PRR14: variants seen among roughly 807,000 people sequenced by gnomAD.
PRR14 encodes proline-rich protein 14.
PRR14 carries 33 observed loss-of-function variants against 57.2 expected under a neutral mutation model. The ratio of observed to expected loss-of-function variants is 0.58; its 90% CI spans 0.44 to 0.77. PRR14 has a LOEUF of 0.77. Among genes scored for constraint, PRR14 ranks in the 30% least tolerant of loss-of-function variants. The probability of loss-of-function intolerance (pLI) is 0.00; values close to 1 mark genes in which losing one functional copy is unlikely to be tolerated. For missense variants in PRR14, 716 were observed against 788.1 expected, an observed-to-expected ratio of 0.91 and a Z score of 1.10; for synonymous variants, 303 against 314.7, an observed-to-expected ratio of 0.96 and a Z score of 0.39.
intron 3 of PRR14, chr16:30,652,298 C>T (rs777527795): frequency 1.7e-6 from 1 of 573,830 alleles, no homozygotes; most frequent in East Asian, 4.0e-5. Flanking sequence ...TGGCATCAAG[C>T]GATCTTCCCA....
At position 30,651,953 on chromosome 16, in the gene PRR14, G is replaced by A. The variant is rs755635015; in HGVS notation, c.181G>A (p.Ala61Thr). The change falls in exon 3 of 12, where the codon GCT becomes ACT. Residue 61 changes from alanine to threonine, a missense_variant. Physicochemically the swap from Ala to Thr is moderately conservative, Grantham distance 58. Coordinates refer to ENST00000300835, the MANE Select transcript of PRR14 (RefSeq NM_024031.5). This position sits in a 1 kb window ranked among gnomAD's most constrained non-coding sequence, Gnocchi z 5.0. Reference sequence around the variant, plus strand: ...GGCCGTGGTGCTAGAAGATGTCATGGCTGTTCACATGGTGAGCCCCCTGAA... The same window carrying A: ...GGCCGTGGTGCTAGAAGATGTCATGACTGTTCACATGGTGAGCCCCCTGAA... ...VLAVVLEDVM[A>T]VHMVPVVPSK... The A allele has an allele frequency of 3.3e-6, 5 of 1,536,834 alleles. No individual in the cohort carries two copies. Among genetic ancestry groups the A allele is most frequent in the African/African-American group, 1.4e-5 (1 of 72,202 alleles).
rs777429350 is a variant in PRR14 at position 30,654,349 on chromosome 16, T to C, written c.658+10T>C. The C allele has an allele frequency of 6.3e-7, 1 of 1,599,256 alleles. No homozygotes were observed. Among genetic ancestry groups the C allele is most frequent in the Non-Finnish European group, 8.6e-7 (1 of 1,166,550 alleles). On this transcript the variant is annotated intron_variant, in intron 7 of 11. Transcript: ENST00000300835. ...GAGAGCCCACCAACAGGTAAGGACT[T>C]GGGTAGAGATCGGATGAGACTTGGG...
chr16:30,655,290 C>T lies in PRR14; in HGVS notation c.1245-61C>T, dbSNP rs1049113675. The T allele has an allele frequency of 1.2e-6, 2 of 1,603,690 alleles. No homozygotes were observed. Among genetic ancestry groups the T allele is most frequent in the Non-Finnish European group, 1.7e-6 (2 of 1,171,334 alleles). On this transcript the variant is annotated intron_variant, in intron 8 of 11. Transcript: ENST00000300835. The surrounding 1 kb of genome is among the most constrained non-coding windows in gnomAD (Gnocchi z 4.6). ...CCTCCTTCCCTGAGTATCCAGTGGG[C>T]AGGAGACGGGGGATAATGCAGTGAA...
rs1490223454 is a variant in PRR14 at position 30,651,706 on chromosome 16, C to T, written c.23+38C>T. Reference sequence around the variant, plus strand: ...CCGGGCGGCCCGCCTGTCTTGACCCCGGGAGATGGGGATCCTGGCGACCGT... The same window carrying T: ...CCGGGCGGCCCGCCTGTCTTGACCCTGGGAGATGGGGATCCTGGCGACCGT... On this transcript the variant is annotated intron_variant, in intron 2 of 11. Coordinates refer to ENST00000300835, the MANE Select transcript of PRR14 (RefSeq NM_024031.5). This position sits in a 1 kb window ranked among gnomAD's most constrained non-coding sequence, Gnocchi z 5.0. 4 of 1,612,234 alleles carry T rather than the reference C, an allele frequency of 2.5e-6. No homozygotes were observed. The highest frequency in any genetic ancestry group is 2.2e-5 in the South Asian group (2 of 91,068).
intron 4 of PRR14, 23 bp from the exon 5 acceptor site, chr16:30,652,891 T>G (rs1336955137): frequency 6.2e-7 from 1 of 1,614,004 alleles, no homozygotes; most frequent in Non-Finnish European, 8.5e-7. Context: ...TGAGCCATTT[T>G]AATCTTCCTG....
In PRR14 at chr16:30,655,964, G is replaced by T; in HGVS notation, c.1478+25G>T. The T allele has an allele frequency of 6.2e-7, 1 of 1,612,138 alleles. No individual in the cohort carries two copies. On this transcript the variant is annotated intron_variant, in intron 11 of 11. Transcript: ENST00000300835. This position sits in a 1 kb window ranked among gnomAD's most constrained non-coding sequence, Gnocchi z 4.6. Reference sequence around the variant, plus strand: ...GGTGAGACACTTGGAAGGCTAGAGGGTGGCAGAGGGAAATCTGGAGCTGTG... The same window carrying T: ...GGTGAGACACTTGGAAGGCTAGAGGTTGGCAGAGGGAAATCTGGAGCTGTG...
chr16:30,651,870 C>G lies in PRR14; in HGVS notation c.98C>G (p.Pro33Arg), dbSNP rs747659763. 1.9e-6 allele frequency: 3 copies of G among 1,607,134 alleles called. No homozygotes were observed. The highest frequency in any genetic ancestry group is 1.1e-5 in the South Asian group (1 of 90,824). The stretch of plus-strand genomic sequence containing the variant: ...TGGGGAGCCAGGAGCCCGAAACGGC[C>G]GAGGCTGCAGCTCCCGGGGGCCCCT... ...ALWGARSPKR[P>R]RLQLPGAPSP... Residue 33 changes from proline to arginine, a missense_variant, in exon 3 of 12, where the codon CCG becomes CGG. Coordinates refer to ENST00000300835, the MANE Select transcript of PRR14 (RefSeq NM_024031.5). The surrounding 1 kb of genome is among the most constrained non-coding windows in gnomAD (Gnocchi z 5.0).
In PRR14 at chr16:30,655,391, G is replaced by A. The variant is rs373733490; in HGVS notation, c.1285G>A (p.Asp429Asn). Residue 429 changes from aspartate to asparagine, a missense_variant, in exon 9 of 12, where the codon GAC (aspartate) becomes AAC (asparagine). Physicochemically the swap from Asp to Asn is conservative, Grantham distance 23. Coordinates refer to ENST00000300835, the MANE Select transcript of PRR14 (RefSeq NM_024031.5). This position sits in a 1 kb window ranked among gnomAD's most constrained non-coding sequence, Gnocchi z 4.6. ...AGGGAAGGAGCCAAGAGCCTCAAAG[G>A]ACCAGGTGCTTTCAGAACCTGAGAC... is the stretch of plus-strand genomic sequence containing the variant. ...TKGKEPRASKDQVLSEPETKT... is the reference protein window; with the variant it reads ...TKGKEPRASKNQVLSEPETKT... The A allele has an allele frequency of 3.2e-5, 52 of 1,613,982 alleles. No individual in the cohort carries two copies. The highest frequency in any genetic ancestry group is 3.3e-4 in the Middle Eastern group (2 of 6,084).
intron 3 of PRR14, chr16:30,652,173 T>A: frequency 3.1e-6 from 2 of 642,578 alleles, no homozygotes; most frequent in Non-Finnish European, 5.5e-6. Context: ...CACCAACGAT[T>A]TTGGGCTGGA....
chr16:30,652,943 A>T lies in PRR14; in HGVS notation c.344A>T (p.Glu115Val), dbSNP rs1395193748. Reference protein sequence around the residue: ...RPPDPLCLCREPLSRIHRTSS... With the variant: ...RPPDPLCLCRVPLSRIHRTSS... ...CCCGACCCTCTGTGTTTGTGTCGCG[A>T]GCCCTTGAGCCGCATCCACCGGACC... is the stretch of plus-strand genomic sequence containing the variant. The change falls in exon 5 of 12, where the codon GAG becomes GTG. Residue 115 changes from glutamate to valine, a missense_variant. Transcript: ENST00000300835. The T allele has an allele frequency of 2.5e-6, 4 of 1,613,866 alleles. No individual in the cohort carries two copies. The highest frequency in any genetic ancestry group is 3.4e-6 in the Non-Finnish European group (4 of 1,179,986).
Position 30,655,485 on chromosome 16 carries a change from C to G in PRR14, c.1315-17C>G, listed in dbSNP as rs763898707. Reference sequence around the variant, plus strand: ...TGAGCCCATGTCACTCTTTCACCCTCTGCCCCATTTTTGCAGACCATGGGA... The same window carrying G: ...TGAGCCCATGTCACTCTTTCACCCTGTGCCCCATTTTTGCAGACCATGGGA... On this transcript the variant is annotated splice_polypyrimidine_tract_variant and intron_variant, in intron 9 of 11. Transcript: ENST00000300835. This position sits in a 1 kb window ranked among gnomAD's most constrained non-coding sequence, Gnocchi z 4.6. 28 of 1,613,918 alleles carry G rather than the reference C, an allele frequency of 1.7e-5. No individual in the cohort carries two copies. In the African/African-American group the frequency reaches 3.3e-4, roughly 19 times the overall value.
chr16:30,654,498 T>C (rs1355765093), intron 7 of PRR14, 131 bp from the exon 8 acceptor site: 1 of 975,728 alleles, frequency 1.0e-6, no homozygotes, highest in African/African-American at 1.6e-5. Context: ...GGCTTGAAGT[T>C]CAATTCTTAA....
chr16:30,654,489 G>T (rs998256817), intron 7 of PRR14, 140 bp from the exon 8 acceptor site: 24 of 963,030 alleles, frequency 2.5e-5, no homozygotes, highest in African/African-American at 3.3e-5. Flanking sequence ...GATGTCAGAG[G>T]CTTGAAGTTC....
chr16:30,652,678 C>T, intron 3 of PRR14, 43 bp from the exon 4 acceptor site: 1 of 1,613,506 alleles, frequency 6.2e-7, no homozygotes, highest in Non-Finnish European at 8.5e-7. Context: ...TCCCGTCCAG[C>T]CTCATTCTAT....
Position 30,651,348 on chromosome 16 carries a change from G to A in PRR14, c.-51+221G>A. ...ACAAAGGCCTCGGGAGGCTCGGGCC[G>A]CGGGAGAACTGGGGCCGCTGCATTC... is the stretch of plus-strand genomic sequence containing the variant. On this transcript the variant is annotated intron_variant, in intron 1 of 11. Transcript: ENST00000300835. This position sits in a 1 kb window ranked among gnomAD's most constrained non-coding sequence, Gnocchi z 5.0. The A allele has an allele frequency of 2.3e-6, 1 of 438,526 alleles. No individual in the cohort carries two copies. The highest frequency in any genetic ancestry group is 3.1e-5 in the South Asian group (1 of 32,282). The allele number at this position is 438,526 out of a possible 1,614,324, so 27.2% of individuals were successfully genotyped here.
intron 7 of PRR14, 84 bp downstream of exon 7, chr16:30,654,423 G>A (rs2052344946): frequency 8.1e-7 from 1 of 1,239,138 alleles, no homozygotes; most frequent in Non-Finnish European, 1.2e-6. Context: ...ACAGAGTTGG[G>A]GATAGGGCTT....
At position 30,653,044 on chromosome 16, in the gene PRR14, C is replaced by T. The variant is rs781433843; in HGVS notation, c.445C>T (p.Pro149Ser). The T allele has an allele frequency of 6.2e-7, 1 of 1,613,702 alleles. No individual in the cohort carries two copies. The highest frequency in any genetic ancestry group is 1.1e-5 in the South Asian group (1 of 91,058). Residue 149 changes from proline (P) to serine (S), a missense_variant, in exon 5 of 12, where the codon CCC becomes TCC. Transcript: ENST00000300835. Reference protein sequence around the residue: ...EGPSQKVDRAPQPTLVVMLED... With the variant: ...EGPSQKVDRASQPTLVVMLED... ...CCCTTCACAAAAGGTGGACCGGGCCCCCCAGCCCACCCTGGTGGTGATGCT... is the reference window on the plus strand; with the variant it reads ...CCCTTCACAAAAGGTGGACCGGGCCTCCCAGCCCACCCTGGTGGTGATGCT...
chr16:30,656,025 T>C lies in PRR14; in HGVS notation c.1479-7T>C, dbSNP rs1264729674. On this transcript the variant is annotated splice_region_variant and splice_polypyrimidine_tract_variant and intron_variant, in intron 11 of 11. Coordinates refer to ENST00000300835, the MANE Select transcript of PRR14 (RefSeq NM_024031.5). ...ATAAAACCAGCTCCTCTCCCTGCCT[T>C]GTTCAGGACCTTTGAGACCATCTTT... 1 of 1,576,576 alleles carries C rather than the reference T, an allele frequency of 6.3e-7. No individual in the cohort carries two copies.
Position 30,652,736 on chromosome 16 carries a change from T to G in PRR14, c.208T>G (p.Ser70Ala). Residue 70 changes from serine (S) to alanine (A), a missense_variant, in exon 4 of 12, where the codon TCA (serine) becomes GCA (alanine). By Grantham distance (99) the Ser-to-Ala change is moderately conservative. Coordinates refer to ENST00000300835, the MANE Select transcript of PRR14 (RefSeq NM_024031.5). ...MAVHMVPVVP[S>A]KQTSIPQHHS... is the part of the protein sequence containing the mutation. ...TCTCTTCCAGGTCCCCGTGGTGCCC[T>G]CAAAGCAGACCTCCATACCACAGCA... The G allele has an allele frequency of 6.2e-7, 1 of 1,614,148 alleles. No individual in the cohort carries two copies. The highest frequency in any genetic ancestry group is 8.5e-7 in the Non-Finnish European group (1 of 1,180,034).
Sources: allele counts gnomAD v4.1 joint callset, GRCh38; gene constraint gnomAD v4.1.1; non-coding constraint Gnocchi (gnomAD v3.1); transcripts MANE v1.5; gene names NCBI Gene and HGNC (gene_info 2026-07-23, HGNC 2026-07-21).